SPRED1: variants seen among roughly 807,000 people sequenced by gnomAD.
SPRED1 encodes the protein sprouty-related, EVH1 domain-containing protein 1.
Under a neutral mutation model 52.3 loss-of-function variants are expected in SPRED1, and 18 were observed. That is an observed-to-expected ratio of 0.34 (90% CI 0.24 to 0.51). SPRED1 has a LOEUF of 0.51. Among genes scored for constraint, SPRED1 ranks in the 20% least tolerant of loss-of-function variants. The pLI is 0.97. For synonymous variants in SPRED1, 155 were observed against 179.7 expected (o/e 0.86, Z 1.10); for missense variants, 485 against 551.0 (o/e 0.88, Z 1.20).
At chr15:38,312,769 T>G (rs1208863767) in intron 2 of SPRED1, among the ~76,000 whole-genome samples, 2 of 152,104 alleles carry the variant, frequency 1.3e-5, no homozygotes, top group African/African-American at 4.8e-5. Flanking sequence ...AGTTTTCATA[T>G]TCAGGGTCAT....
intron 1 of SPRED1, among the ~76,000 whole-genome samples, chr15:38,267,866 C>G (rs1473860428): frequency 6.6e-6 from 1 of 152,198 alleles, no homozygotes; most frequent in African/African-American, 2.4e-5. Context: ...CATTTTGACA[C>G]TTTGACATCA....
chr15:38,351,155 G>A lies in SPRED1; in HGVS notation c.826G>A (p.Ala276Thr), dbSNP rs1270752951. The A allele has an allele frequency of 1.2e-6, 2 of 1,614,100 alleles. No homozygotes were observed. The highest frequency in any genetic ancestry group is 1.7e-6 in the Non-Finnish European group (2 of 1,180,008). ...MWKNDLERDD[A>T]DSSIQFSKPD... ...GAAAAATGACTTGGAAAGAGATGAT[G>A]CTGATTCCAGTATTCAGTTTTCTAA... Residue 276 changes from alanine to threonine, a missense_variant, in exon 7 of 7, where the codon GCT becomes ACT. Ala to Thr is a moderately conservative substitution (Grantham distance 58, BLOSUM62 0). Transcript: ENST00000299084.
rs1426157808 is a variant in SPRED1, at chr15:38,354,618, C to T, written c.*2954C>T. ...GCTATTTATGTGGTGACCACCTCTA[C>T]CAGGGAAACCAGGAATAAGAACTGT... On this transcript the variant is annotated 3_prime_UTR_variant, in exon 7 of 7. Transcript: ENST00000299084. 1 of 152,110 alleles carries T rather than the reference C, an allele frequency of 6.6e-6. No individual in the cohort carries two copies. The highest frequency in any genetic ancestry group is 1.5e-5 in the Non-Finnish European group (1 of 68,022). 9.4% of individuals were successfully genotyped at this position (152,110 alleles called of 1,614,324 possible).
intron 2 of SPRED1, among the ~76,000 whole-genome samples, chr15:38,309,244 G>A (rs1403907682): frequency 6.6e-6 from 1 of 152,064 alleles, no homozygotes; most frequent in Non-Finnish European, 1.5e-5. Flanking sequence ...GGGTTCAAAC[G>A]ATTCTCCTGC....
intron 5 of SPRED1, among the ~76,000 whole-genome samples, chr15:38,343,764 T>C (rs7166522): frequency 0.92 from 139,177 of 152,064 alleles, 64,961 homozygotes; most frequent in East Asian, 1. Context: ...TTATTATTAA[T>C]GTTTATCATA....
intron 1 of SPRED1, among the ~76,000 whole-genome samples, chr15:38,262,148 A>G (rs935071663): frequency 1.3e-5 from 2 of 152,196 alleles, no homozygotes; most frequent in Non-Finnish European, 1.5e-5. Context: ...TTACACTTTC[A>G]GGATAGATTT....
Position 38,352,934 on chromosome 15 carries a change from T to G in SPRED1, c.*1270T>G, listed in dbSNP as rs1039986986. ...TCTTGTACATATAAATTTATTTCTT[T>G]TGCAGAGCATTATATTACTGGATGT... On this transcript the variant is annotated 3_prime_UTR_variant, in exon 7 of 7. Coordinates refer to ENST00000299084, the MANE Select transcript of SPRED1 (RefSeq NM_152594.3). 1.3e-5 allele frequency: 2 copies of G among 152,148 alleles called. No individual in the cohort carries two copies. The highest frequency in any genetic ancestry group is 3.8e-4 in the East Asian group (2 of 5,208). The allele number at this position is 152,148 out of a possible 1,614,324, so 9.4% of individuals were successfully genotyped here. A position where few individuals can be genotyped will look rare whatever the true frequency, so the allele number is the denominator to read the frequency against.
Position 38,351,756 on chromosome 15 carries a change from C to A in SPRED1, c.*92C>A. The A allele has an allele frequency of 6.9e-7, 1 of 1,453,976 alleles. No homozygotes were observed. The highest frequency in any genetic ancestry group is 9.4e-7 in the Non-Finnish European group (1 of 1,063,780). The allele number at this position is 1,453,976 out of a possible 1,614,324, so 90.1% of individuals were successfully genotyped here. A position where few individuals can be genotyped will look rare whatever the true frequency, so the allele number is the denominator to read the frequency against. Reference sequence around the variant, plus strand: ...AAGCTTTTGGCAAGCAATATGGAATCTTGCCTGGTATCATTGAGCCCACAC... The same window carrying A: ...AAGCTTTTGGCAAGCAATATGGAATATTGCCTGGTATCATTGAGCCCACAC... On this transcript the variant is annotated 3_prime_UTR_variant, in exon 7 of 7. Transcript: ENST00000299084.
chr15:38,295,241 G>C (rs1895009928), intron 1 of SPRED1, among the ~76,000 whole-genome samples: 1 of 151,928 alleles, frequency 6.6e-6, no homozygotes. Flanking sequence ...AACCTAGATG[G>C]GAAAATACAC....
At chr15:38,339,952 T>A (rs1895997975) in intron 5 of SPRED1, 57 bp downstream of exon 5, 4 of 1,604,398 alleles carry the variant, frequency 2.5e-6, no homozygotes, top group African/African-American at 1.3e-5. Context: ...AATTGAATGA[T>A]GTCATAGATA....
chr15:38,346,556 T>C (rs1475273929), intron 5 of SPRED1, among the ~76,000 whole-genome samples: 1 of 152,226 alleles, frequency 6.6e-6, no homozygotes, highest in Non-Finnish European at 1.5e-5. Flanking sequence ...TCTATACCTT[T>C]GCCTTCATCC....
intron 1 of SPRED1, among the ~76,000 whole-genome samples, chr15:38,275,275 G>A (rs1466400816): frequency 1.3e-5 from 2 of 152,146 alleles, no homozygotes; most frequent in Non-Finnish European, 2.9e-5. Flanking sequence ...GGAACCCCGT[G>A]AAGTCTGTTT....
chr15:38,300,552 G>A (rs563217182), intron 2 of SPRED1, among the ~76,000 whole-genome samples: 1 of 152,094 alleles, frequency 6.6e-6, no homozygotes, highest in Non-Finnish European at 1.5e-5. Context: ...AATCATTGTA[G>A]TAATTCAGAA....
chr15:38,324,903 T>C, intron 4 of SPRED1, 94 bp downstream of exon 4: 1 of 1,038,648 alleles, frequency 9.6e-7, no homozygotes, highest in Non-Finnish European at 1.5e-6. Flanking sequence ...TAAGAATATT[T>C]CTAAGACACT....
intron 1 of SPRED1, among the ~76,000 whole-genome samples, chr15:38,278,539 A>G (rs1197738454): frequency 6.6e-6 from 1 of 152,194 alleles, no homozygotes; most frequent in Non-Finnish European, 1.5e-5. Context: ...TGTGTACATT[A>G]CAGATTAACA....
chr15:38,329,591 T>G (rs1403167818), intron 4 of SPRED1, among the ~76,000 whole-genome samples: 1 of 152,178 alleles, frequency 6.6e-6, no homozygotes, highest in Non-Finnish European at 1.5e-5. Context: ...GTTTTATTTA[T>G]TGCCCAATAA....
intron 1 of SPRED1, among the ~76,000 whole-genome samples, chr15:38,262,256 G>T (rs906772128): frequency 5.3e-5 from 8 of 152,176 alleles, no homozygotes; most frequent in African/African-American, 1.7e-4. Context: ...TAGCTTTGGA[G>T]ATACAAAGAT....
intron 2 of SPRED1, among the ~76,000 whole-genome samples, chr15:38,302,968 C>T (rs1357320434): frequency 2.0e-5 from 3 of 151,978 alleles, no homozygotes; most frequent in Non-Finnish European, 2.9e-5. Context: ...TAGCGACCAT[C>T]GTGGCTAACA....
intron 1 of SPRED1, among the ~76,000 whole-genome samples, chr15:38,298,779 T>A (rs1895091951): frequency 6.6e-6 from 1 of 152,232 alleles, no homozygotes; most frequent in South Asian, 2.1e-4. Context: ...TTACAGTTTC[T>A]ACAGACCAAT....
Sources: allele counts gnomAD v4.1 joint callset (sites outside exome capture counted in the v4.1 genomes callset), GRCh38; gene constraint gnomAD v4.1.1; transcripts MANE v1.5; gene names NCBI Gene and HGNC (gene_info 2026-07-23, HGNC 2026-07-21).